ECPAS: variants seen among roughly 807,000 people sequenced by gnomAD.
The protein encoded by ECPAS is proteasome adapter and scaffold protein ECM29.
ECPAS carries 70 observed loss-of-function variants against 255.1 expected under a neutral mutation model. The observed-to-expected ratio is 0.27, with a 90% CI of 0.23 to 0.33. The LOEUF is 0.33. ECPAS is among the 10% of genes least tolerant of loss of function. ECPAS has a pLI of 1.00. For missense variants in ECPAS, 1,817 were observed against 2,206.4 expected, an observed-to-expected ratio of 0.82 and a Z score of 3.54; for synonymous variants, 784 against 775.0, an observed-to-expected ratio of 1.01 and a Z score of -0.19.
At chr9:111,412,782 A>G (rs2098196696) in intron 20 of ECPAS, among the ~76,000 whole-genome samples, 1 of 152,218 alleles carries the variant, frequency 6.6e-6, no homozygotes, top group Non-Finnish European at 1.5e-5. Context: ...TCATAAGACC[A>G]GACTATCCAG....
At chr9:111,471,636 A>G (rs948253167) in intron 2 of ECPAS, among the ~76,000 whole-genome samples, 5 of 152,212 alleles carry the variant, frequency 3.3e-5, no homozygotes, top group African/African-American at 1.2e-4. Flanking sequence ...ACAGAGTTTC[A>G]ATCAAAAGAC....
chr9:111,404,087 A>G lies in ECPAS; in HGVS notation c.2652+4484T>C, dbSNP rs553426858. Among the ~76,000 whole-genome samples, 21 of 149,778 alleles carry G rather than the reference A, an allele frequency of 1.4e-4. 1 individual carries two copies. In the South Asian group the frequency reaches 4.4e-3, roughly 31 times the overall value. On this transcript the variant is annotated intron_variant, in intron 24 of 49. Coordinates refer to ENST00000684092, the MANE Select transcript of ECPAS (RefSeq NM_001364929.1). ...AAAGAAAATAAAAACACAACATACC[A>G]AAATCTATGGGATACAGCAAAAGCA...
chr9:111,394,346 C>T, intron 25 of ECPAS, 41 bp from the exon 26 acceptor site: 2 of 1,458,668 alleles, frequency 1.4e-6, no homozygotes, highest in South Asian at 1.5e-5. Context: ...ATTAAAATAA[C>T]TCAACATAGT....
intron 3 of ECPAS, among the ~76,000 whole-genome samples, chr9:111,447,710 C>A (rs2098255162): frequency 6.6e-6 from 1 of 151,696 alleles, no homozygotes; most frequent in African/African-American, 2.4e-5. Flanking sequence ...TTGACATGCA[C>A]AAATAAAAAT....
intron 3 of ECPAS, among the ~76,000 whole-genome samples, chr9:111,451,106 GC>G (rs2098259743): frequency 6.6e-6 from 1 of 151,782 alleles, no homozygotes; most frequent in Non-Finnish European, 1.5e-5. Flanking sequence ...GAATATTTTT[GC>G]CCCATTACCA....
chr9:111,464,543 A>G (rs1000733617), intron 2 of ECPAS, among the ~76,000 whole-genome samples: 4 of 152,192 alleles, frequency 2.6e-5, no homozygotes, highest in African/African-American at 9.7e-5. Context: ...AACAATCTAA[A>G]TATCAGTCAA....
chr9:111,427,522 G>A (rs568339553), intron 10 of ECPAS, among the ~76,000 whole-genome samples: 2 of 152,282 alleles, frequency 1.3e-5, no homozygotes, highest in African/African-American at 4.8e-5. Flanking sequence ...GTTCCTTACT[G>A]GAAATGCTTA....
intron 1 of ECPAS, among the ~76,000 whole-genome samples, chr9:111,481,727 G>T (rs1371435183): frequency 1.3e-5 from 2 of 152,148 alleles, no homozygotes; most frequent in Non-Finnish European, 2.9e-5. Flanking sequence ...GATGGACAAG[G>T]AAATGTGATA....
At chr9:111,479,519 G>C (rs1230200043) in intron 1 of ECPAS, among the ~76,000 whole-genome samples, 3 of 152,080 alleles carry the variant, frequency 2.0e-5, no homozygotes, top group Non-Finnish European at 2.9e-5. Flanking sequence ...CTTGAACCCA[G>C]GATGTGGAGG....
intron 28 of ECPAS, 143 bp downstream of exon 28, chr9:111,392,625 C>T (rs1274814849): frequency 1.7e-6 from 1 of 603,364 alleles, no homozygotes; most frequent in Non-Finnish European, 2.9e-6. Context: ...CTATCCACAG[C>T]ACAACAATTA....
intron 1 of ECPAS, among the ~76,000 whole-genome samples, chr9:111,474,034 CG>C (rs904369736): frequency 3.3e-5 from 5 of 152,026 alleles, no homozygotes; most frequent in Non-Finnish European, 7.4e-5. Flanking sequence ...ATGAGAAAAC[CG>C]AGGCCTACAA....
In ECPAS at chr9:111,444,360, T is replaced by C. The variant is rs1395742767; in HGVS notation, c.270+18A>G. The C allele has an allele frequency of 3.3e-6, 5 of 1,536,210 alleles. No individual in the cohort carries two copies. Among genetic ancestry groups the C allele is most frequent in the Non-Finnish European group, 4.5e-6 (5 of 1,119,188 alleles). ...AAAATTTGCTGTAAGTCAGAAAATA[T>C]TCCAATACAACACTCACTGTGACAA... On this transcript the variant is annotated intron_variant, in intron 4 of 49. Coordinates refer to ENST00000684092, the MANE Select transcript of ECPAS (RefSeq NM_001364929.1).
In ECPAS at chr9:111,394,320, A is replaced by G; in HGVS notation, c.2777-15T>C. 1 of 1,483,794 alleles carries G rather than the reference A, an allele frequency of 6.7e-7. No individual in the cohort carries two copies. Among genetic ancestry groups the G allele is most frequent in the South Asian group, 1.4e-5 (1 of 70,252 alleles). 91.9% of individuals were successfully genotyped at this position (1,483,794 alleles called of 1,614,324 possible). On this transcript the variant is annotated splice_polypyrimidine_tract_variant and intron_variant, in intron 25 of 49. Transcript: ENST00000684092. ...CACTTTGGCTCCTGGGGAAAAGCAA[A>G]GAAAAATAACAAAGAATTAAAATAA... is the stretch of plus-strand genomic sequence containing the variant.
intron 12 of ECPAS, among the ~76,000 whole-genome samples, chr9:111,424,045 T>TC (rs779018268): frequency 1.3e-5 from 2 of 152,078 alleles, no homozygotes; most frequent in Non-Finnish European, 2.9e-5. Context: ...ATACAGCTTC[T>TC]CCCCAAGAGC....
chr9:111,365,321 C>CATCATA (rs760462628), intron 48 of ECPAS, among the ~76,000 whole-genome samples: 33 of 147,584 alleles, frequency 2.2e-4, no homozygotes, highest in Non-Finnish European at 3.8e-4. Context: ...TCATCATCAT[C>CATCATA]ATCACCTGGA....
intron 27 of ECPAS, among the ~76,000 whole-genome samples, chr9:111,393,442 C>A (rs1263158044): frequency 6.6e-6 from 1 of 152,136 alleles, no homozygotes; most frequent in Non-Finnish European, 1.5e-5. Flanking sequence ...AGTTGAGGAA[C>A]ATGTTCTAAT....
rs745928345 is a variant in ECPAS, at chr9:111,425,809, A to G, written c.1070T>C (p.Phe357Ser). ...ANIQVVYDGL[F>S]GTNTNSKLRT... Reference sequence around the variant, plus strand: ...TAACTTTGAATTTGTATTTGTACCAAAAAGTCCATCATACACCACCTATGT... The same window carrying G: ...TAACTTTGAATTTGTATTTGTACCAGAAAGTCCATCATACACCACCTATGT... Residue 357 changes from phenylalanine to serine, a missense_variant, in exon 11 of 50, where the codon TTT (phenylalanine) becomes TCT (serine). Around this residue, in one of 4 missense-constraint regions of ECPAS, gnomAD observed 573 missense variants for 716.2 expected, o/e 0.80. Coordinates refer to ENST00000684092, the MANE Select transcript of ECPAS (RefSeq NM_001364929.1). 15 of 1,573,836 alleles carry G rather than the reference A, an allele frequency of 9.5e-6. No individual in the cohort carries two copies. The highest frequency in any genetic ancestry group is 1.3e-5 in the Non-Finnish European group (15 of 1,147,510).
chr9:111,363,129 T>C (rs2098115944), intron 49 of ECPAS, among the ~76,000 whole-genome samples: 2 of 116,686 alleles, frequency 1.7e-5, no homozygotes, highest in African/African-American at 3.2e-5. Flanking sequence ...CACCCACTGA[T>C]AGACCATTAG....
chr9:111,444,422 G>A lies in ECPAS; in HGVS notation c.226C>T (p.Leu76=). The A allele has an allele frequency of 3.1e-6, 5 of 1,613,882 alleles. No homozygotes were observed. The highest frequency in any genetic ancestry group is 4.2e-6 in the Non-Finnish European group (5 of 1,179,804). The part of the protein sequence containing the change: ...RPKIQLPVET[L]LVQYQDPAAV... ...GCAGGGTCCTGGTACTGAACCAACA[G>A]TGTCTCTACTGGAAGTTGTATTTTG... The change falls in exon 4 of 50, where the codon CTG becomes TTG. Residue 76 remains leucine, a synonymous_variant. Coordinates refer to ENST00000684092, the MANE Select transcript of ECPAS (RefSeq NM_001364929.1).
Sources: gnomAD v4.1 joint callset for allele counts (sites outside exome capture counted in the v4.1 genomes callset) on GRCh38, gnomAD v4.1.1 for gene constraint, gnomAD v4.1.1 regional missense constraint, MANE v1.5 for transcripts, NCBI Gene and HGNC (gene_info 2026-07-23, HGNC 2026-07-21) for gene names.